PISD: variants seen among roughly 807,000 people sequenced by gnomAD.
PISD encodes phosphatidylserine decarboxylase proenzyme, mitochondrial.
In PISD, 31 loss-of-function variants were observed where a neutral mutation model predicts 43.5. That is an observed-to-expected ratio of 0.71 (90% confidence interval 0.54 to 0.96). The LOEUF is 0.96. PISD is among the 40% of genes least tolerant of loss of function. The probability of loss-of-function intolerance (pLI) is 0.00; values close to 1 mark genes in which losing one functional copy is unlikely to be tolerated. For missense variants in PISD, 523 were observed against 548.4 expected, an observed-to-expected ratio of 0.95 and a Z score of 0.46; for synonymous variants, 259 against 228.7, an observed-to-expected ratio of 1.13 and a Z score of -1.20.
At chr22:31,659,992 A>C (rs770109615) in intron 1 of PISD, among the ~76,000 whole-genome samples, 1 of 152,104 alleles carries the variant, frequency 6.6e-6, no homozygotes, top group Admixed American at 6.6e-5. Context: ...TCTTTTATCA[A>C]ATGAGTTTAG....
rs375010053 is a variant in PISD at position 31,621,522 on chromosome 22, C to T, written c.559-50G>A. The T allele has an allele frequency of 6.8e-6, 11 of 1,609,006 alleles. No homozygotes were observed. The African/African-American group carries it at 1.1e-4, about 16-fold the overall frequency. ...GCCAGGGAGAGCAGGGTCTCCTCCC[C>T]CCAGGAGACAGCCCCCACCTCCCCT... is the stretch of plus-strand genomic sequence containing the variant. On this transcript the variant is annotated intron_variant, in intron 4 of 7. Coordinates refer to ENST00000439502, the MANE Select transcript of PISD (RefSeq NM_001326411.2).
In PISD at chr22:31,630,396, G is replaced by C. The variant is rs1220831419; in HGVS notation, c.322-8511C>G. The C allele has an allele frequency of 6.6e-6, 1 of 152,182 alleles. No homozygotes were observed. The highest frequency in any genetic ancestry group is 1.5e-5 in the Non-Finnish European group (1 of 68,090). 9.4% of individuals were successfully genotyped at this position (152,182 alleles called of 1,614,324 possible). A position where few individuals can be genotyped will look rare whatever the true frequency, so the allele number is the denominator to read the frequency against. The stretch of plus-strand genomic sequence containing the variant: ...GCCCTCCGGCAGCACCAAGGAGACG[G>C]AGCTCTCAGCCCGGGCCCCGCCAAT... On this transcript the variant is annotated intron_variant, in intron 3 of 7. Coordinates refer to ENST00000439502, the MANE Select transcript of PISD (RefSeq NM_001326411.2). This position sits in a 1 kb window ranked among gnomAD's most constrained non-coding sequence, Gnocchi z 4.4.
At chr22:31,627,982 G>T in intron 3 of PISD, 1 of 973,102 alleles carries the variant, frequency 1.0e-6, no homozygotes, top group African/African-American at 1.8e-5. Flanking sequence ...CATCCTGAGA[G>T]GCCAGGCTGG....
chr22:31,638,674 G>A (rs1444051440), intron 3 of PISD: 1 of 967,696 alleles, frequency 1.0e-6, no homozygotes, highest in Admixed American at 6.2e-5. Flanking sequence ...CTTTGTAGAG[G>A]CATGGTTTTG....
At position 31,619,319 on chromosome 22, in the gene PISD, C is replaced by T. The variant is rs371086916; in HGVS notation, c.*293G>A. 105 of 402,554 alleles carry T rather than the reference C, an allele frequency of 2.6e-4. No homozygotes were observed. The highest frequency in any genetic ancestry group is 1.7e-3 in the African/African-American group (84 of 48,866). The allele number at this position is 402,554 out of a possible 1,614,324, so 24.9% of individuals were successfully genotyped here. Reference sequence around the variant, plus strand: ...GTTCGGTCAGGAATGCAGGCTCTTCCGTCTATACAGTGTTTAAAAAGATCC... The same window carrying T: ...GTTCGGTCAGGAATGCAGGCTCTTCTGTCTATACAGTGTTTAAAAAGATCC... On this transcript the variant is annotated 3_prime_UTR_variant, in exon 8 of 8. Coordinates refer to ENST00000439502, the MANE Select transcript of PISD (RefSeq NM_001326411.2).
At chr22:31,655,013 T>C (rs2074126494) in intron 1 of PISD, among the ~76,000 whole-genome samples, 1 of 148,218 alleles carries the variant, frequency 6.7e-6, no homozygotes, top group Non-Finnish European at 1.5e-5. Flanking sequence ...GAGGCAGAGG[T>C]TGCAGTGAGC....
chr22:31,654,470 AT>A (rs2147805806), intron 1 of PISD, among the ~76,000 whole-genome samples: 1 of 152,230 alleles, frequency 6.6e-6, no homozygotes, highest in African/African-American at 2.4e-5. Context: ...CAATGGCCCC[AT>A]TTTGAGTCCT....
intron 5 of PISD, 55 bp downstream of exon 5, chr22:31,621,279 C>A: frequency 6.2e-7 from 1 of 1,611,830 alleles, no homozygotes; most frequent in South Asian, 1.1e-5. Context: ...CCCCTCCCTC[C>A]CGGTCCAGCC....
At chr22:31,660,496 C>T (rs889890487) in intron 1 of PISD, among the ~76,000 whole-genome samples, 5 of 151,896 alleles carry the variant, frequency 3.3e-5, no homozygotes, top group African/African-American at 1.2e-4. Flanking sequence ...CCACCCCCAC[C>T]CCCAAAAAAA....
chr22:31,637,157 AAAAAAAAATATATATATATATATAT>A (rs1158165914), intron 3 of PISD, among the ~76,000 whole-genome samples: 732 of 36,956 alleles, frequency 0.02, 57 homozygotes, highest in Admixed American at 0.15. Flanking sequence ...AAAAAAAAAA[AAAAAAAAATATATATATATATATAT>A]ATATATATAT....
intron 6 of PISD, 71 bp downstream of exon 6, chr22:31,620,925 A>G (rs1477075327): frequency 1.3e-6 from 2 of 1,508,376 alleles, no homozygotes; most frequent in South Asian, 1.3e-5. Context: ...TGGTCCCCCA[A>G]CACCAAGAAG....
intron 3 of PISD, among the ~76,000 whole-genome samples, chr22:31,645,353 C>T (rs917723865): frequency 1.2e-4 from 18 of 151,562 alleles, no homozygotes; most frequent in African/African-American, 3.9e-4. Flanking sequence ...TGCAGTGAGC[C>T]GTGATCATGC....
rs1380116647 is a variant in PISD, at chr22:31,637,163, AAATATATATATATATATATAT to A, written c.321+10917_321+10937del. Among the ~76,000 whole-genome samples, 56 of 20,404 alleles carry A rather than the reference AAATATATATATATATATATAT, an allele frequency of 2.7e-3. 1 individual carries two copies. Among genetic ancestry groups the A allele is most frequent in the African/African-American group, 0.013 (49 of 3,770 alleles). The allele number at this position is 20,404 out of a possible 152,430, so 13.4% of individuals were successfully genotyped here. On this transcript the variant is annotated intron_variant, in intron 3 of 7. Transcript: ENST00000439502. ...TAAATTAAAAAAAAAAAAAAAAAAAAAATATATATATATATATATATATATATATATATATATATATATAGA... is the reference window on the plus strand; with the variant it reads ...TAAATTAAAAAAAAAAAAAAAAAAAAATATATATATATATATATATATAGA...
chr22:31,627,945 A>G, intron 3 of PISD: 1 of 831,450 alleles, frequency 1.2e-6, no homozygotes, highest in Middle Eastern at 6.1e-4. Flanking sequence ...CCATCAGGGA[A>G]AGGTGAGCCC....
rs34103525 is a variant in PISD, at chr22:31,648,180, C to T, written c.242G>A (p.Arg81Gln). 58,389 of 1,612,204 alleles carry T rather than the reference C, an allele frequency of 0.036. 1,339 individuals carry two copies. Among genetic ancestry groups the T allele is most frequent in the Non-Finnish European group, 0.041 (48,348 of 1,179,568 alleles). The change falls in exon 3 of 8, where the codon CGG (arginine) becomes CAG (glutamine). Residue 81 changes from arginine to glutamine, a missense_variant. Arg to Gln is a conservative substitution (Grantham distance 43). Transcript: ENST00000439502. ...TCGCTCCCTGTACTTCTCATACTGC[C>T]GGTACCCTGCATACCCGCCGCCTGT... is the stretch of plus-strand genomic sequence containing the variant. ...LVTGGGYAGY[R>Q]QYEKYREREL...
chr22:31,629,365 AGGG>A (rs2073080030), intron 3 of PISD: 1 of 228,370 alleles, frequency 4.4e-6, no homozygotes, highest in Non-Finnish European at 7.0e-6. Flanking sequence ...GGGTGTGTGT[AGGG>A]GGTGTGTAGG....
rs1238886557 is a variant in PISD, at chr22:31,619,258, G to A, written c.*354C>T. ...AACAGCTCAGGTGATGGGGGGAGGA[G>A]CAGCAAGAAAAAACGACAACCGAGA... On this transcript the variant is annotated 3_prime_UTR_variant, in exon 8 of 8. Transcript: ENST00000439502. 21 of 351,670 alleles carry A rather than the reference G, an allele frequency of 6.0e-5. No homozygotes were observed. Among genetic ancestry groups the A allele is most frequent in the Non-Finnish European group, 1.0e-4 (19 of 181,034 alleles). The allele number at this position is 351,670 out of a possible 1,614,324, so 21.8% of individuals were successfully genotyped here. A position where few individuals can be genotyped will look rare whatever the true frequency, so the allele number is the denominator to read the frequency against.
chr22:31,625,172 C>G (rs560737046), intron 3 of PISD, among the ~76,000 whole-genome samples: 1 of 152,254 alleles, frequency 6.6e-6, no homozygotes, highest in Non-Finnish European at 1.5e-5. Context: ...GCAGAGCAGA[C>G]GGCAGGCGAA....
Position 31,621,031 on chromosome 22 carries a change from G to C in PISD, c.809C>G (p.Thr270Ser). 1 of 1,613,900 alleles carries C rather than the reference G, an allele frequency of 6.2e-7. No homozygotes were observed. The highest frequency in any genetic ancestry group is 8.5e-7 in the Non-Finnish European group (1 of 1,179,864). ...GCGCCGGTGGGACACAGTCCAGTCG[G>C]TGGGGGAGTGGAAGCAGTGGTAGTC... ...PGDYHCFHSP[T>S]DWTVSHRRHF... is the part of the protein sequence containing the mutation. Residue 270 changes from threonine (T) to serine (S), a missense_variant, in exon 6 of 8, where the codon ACC (threonine) becomes AGC (serine). Thr to Ser is a moderately conservative substitution (Grantham distance 58). Coordinates refer to ENST00000439502, the MANE Select transcript of PISD (RefSeq NM_001326411.2).
Sources: gnomAD v4.1 joint callset for allele counts (sites outside exome capture counted in the v4.1 genomes callset) on GRCh38, gnomAD v4.1.1 for gene constraint, Gnocchi (gnomAD v3.1) non-coding constraint, MANE v1.5 for transcripts, NCBI Gene and HGNC (gene_info 2026-07-23, HGNC 2026-07-21) for gene names.